EVC: variants seen among roughly 807,000 people sequenced by gnomAD.
EVC encodes the protein evC complex member EVC.
In EVC, 116 loss-of-function variants were observed where a neutral mutation model predicts 118.9. That is an observed-to-expected ratio of 0.98 (90% CI 0.84 to 1.14). The LOEUF (loss-of-function observed/expected upper bound fraction) is 1.14. EVC is among the 50% of genes most tolerant of loss of function. EVC has a pLI of 0.00. For missense variants in EVC, 1,401 were observed against 1,246.4 expected (o/e 1.12, Z -1.87); for synonymous variants, 619 against 534.7 (o/e 1.16, Z -2.18).
chr4:5,823,330 G>A, the EVC span, among the ~76,000 whole-genome samples: 15 of 152,246 alleles, frequency 9.9e-5, no homozygotes, highest in East Asian at 2.9e-3. Flanking sequence ...ATGTCTTCTT[G>A]CAATACAAGT....
chr4:5,725,188 A>G (rs1004578705), intron 2 of EVC, among the ~76,000 whole-genome samples: 19 of 152,180 alleles, frequency 1.2e-4, no homozygotes, highest in African/African-American at 2.9e-4. Flanking sequence ...GAACATACAC[A>G]TGCATGTATC....
chr4:5,803,679 A>T (rs1715383652), intron 16 of EVC, among the ~76,000 whole-genome samples: 1 of 152,118 alleles, frequency 6.6e-6, no homozygotes, highest in African/African-American at 2.4e-5. Context: ...TTCCTTATTT[A>T]GTAATCTGTT....
At chr4:5,730,878 T>C (rs1726695203) in intron 3 of EVC, among the ~76,000 whole-genome samples, 1 of 151,628 alleles carries the variant, frequency 6.6e-6, no homozygotes, top group South Asian at 2.1e-4. Flanking sequence ...CCTCTAGCCA[T>C]GCCAGGCCCC....
At chr4:5,797,651 G>A (rs1714232118) in intron 14 of EVC, among the ~76,000 whole-genome samples, 1 of 152,142 alleles carries the variant, frequency 6.6e-6, no homozygotes, top group Non-Finnish European at 1.5e-5. Context: ...TCCACTTACT[G>A]ACCTCCCATT....
intron 5 of EVC, among the ~76,000 whole-genome samples, chr4:5,741,326 A>G (rs7674034): frequency 0.41 from 61,921 of 152,068 alleles, 13,151 homozygotes; most frequent in African/African-American, 0.52. Context: ...ATAACTTTTC[A>G]TTTCCAGTTC....
rs55634350 is a variant in EVC at position 5,731,811 on chromosome 4, A to G, written c.617+154A>G. Among the ~76,000 whole-genome samples the G allele has an allele frequency of 0.065, 9,833 of 152,144 alleles. 349 individuals are homozygous for G. The highest frequency in any genetic ancestry group is 0.1 in the South Asian group (486 of 4,824). On this transcript the variant is annotated intron_variant, in intron 4 of 20. Coordinates refer to ENST00000264956, the MANE Select transcript of EVC (RefSeq NM_153717.3). The surrounding 1 kb of genome is among the most constrained non-coding windows in gnomAD (Gnocchi z 5.6). ...CCCAGCGTCACCATCGGAGCCCCAG[A>G]GGCCTTTGTCACTTCCTGTGCTGTA...
Position 5,783,604 on chromosome 4 carries a change from T to C in EVC, c.1616T>C (p.Phe539Ser), listed in dbSNP as rs1484590084. The change falls in exon 12 of 21, where the codon TTC becomes TCC. Residue 539 changes from phenylalanine to serine, a missense_variant. Coordinates refer to ENST00000264956, the MANE Select transcript of EVC (RefSeq NM_153717.3). ...TTCCAGAAGTTCGTGGATGCCCTGT[T>C]CCTTCAGACGCTCCCTGGCATGACT... ...DTFQKFVDAL[F>S]LQTLPGMTGL... 1.2e-6 allele frequency: 2 copies of C among 1,614,084 alleles called. No homozygotes were observed. The highest frequency in any genetic ancestry group is 1.7e-6 in the Non-Finnish European group (2 of 1,180,038).
At chr4:5,807,916 C>G (rs761682879) in intron 17 of EVC, among the ~76,000 whole-genome samples, 1 of 152,208 alleles carries the variant, frequency 6.6e-6, no homozygotes, top group African/African-American at 2.4e-5. Flanking sequence ...CCCAGCTTTT[C>G]TACTCTGTCC....
chr4:5,745,282 A>C lies in EVC; in HGVS notation c.880A>C (p.Ile294Leu). The C allele has an allele frequency of 1.9e-6, 3 of 1,614,078 alleles. No homozygotes were observed. The highest frequency in any genetic ancestry group is 2.5e-6 in the Non-Finnish European group (3 of 1,179,934). Residue 294 changes from isoleucine to leucine, a missense_variant, in exon 7 of 21, where the codon ATC becomes CTC. Ile to Leu is a conservative substitution (Grantham distance 5). Transcript: ENST00000264956. ...EMSGAGDSEY[I>L]TLADVEKKER... ...GTCGGGGGCTGGTGACTCTGAGTACATCACCCTGGCTGATGTGGAAAAGAA... is the reference window on the plus strand; with the variant it reads ...GTCGGGGGCTGGTGACTCTGAGTACCTCACCCTGGCTGATGTGGAAAAGAA...
chr4:5,793,722 G>A lies in EVC; in HGVS notation c.1886+5G>A, dbSNP rs794726665. ...ACTGGGCGGCCTCACTGAAGAGTGA[G>A]TACAGCTCCCTGAAGGCCCAGGGCT... On this transcript the variant is annotated splice_donor_5th_base_variant and intron_variant, in intron 13 of 20. Transcript: ENST00000264956. 5 of 1,547,298 alleles carry A rather than the reference G, an allele frequency of 3.2e-6. No individual in the cohort carries two copies. The South Asian group carries it at 4.8e-5, about 15-fold the overall frequency.
intron 8 of EVC, among the ~76,000 whole-genome samples, chr4:5,752,204 T>C (rs1348216046): frequency 6.6e-6 from 1 of 152,078 alleles, no homozygotes; most frequent in Non-Finnish European, 1.5e-5. Flanking sequence ...CTTTCCCCCT[T>C]ACTCTCATTC....
the EVC span, chr4:5,828,084 G>C: frequency 1.0e-6 from 1 of 985,324 alleles, no homozygotes; most frequent in East Asian, 1.1e-4. Context: ...CACAGGGCCA[G>C]ACCCGAGGGT....
chr4:5,821,343 C>G, the EVC span: 1 of 173,732 alleles, frequency 5.8e-6, no homozygotes, highest in Non-Finnish European at 1.2e-5. The surrounding 1 kb of genome is among the most constrained non-coding windows in gnomAD (Gnocchi z 4.4). Flanking sequence ...TGGCGATGTC[C>G]CCTCAGACGC....
intron 17 of EVC, among the ~76,000 whole-genome samples, chr4:5,806,320 G>A (rs1415039534): frequency 1.3e-5 from 2 of 151,754 alleles, no homozygotes; most frequent in Non-Finnish European, 2.9e-5. Context: ...GACCTCAGGT[G>A]ATTCACCCGC....
rs1431811025 is a variant in EVC, at chr4:5,756,493, C to T, written c.1563+131C>T. On this transcript the variant is annotated intron_variant, in intron 11 of 20. Transcript: ENST00000264956. This position sits in a 1 kb window ranked among gnomAD's most constrained non-coding sequence, Gnocchi z 4.2. ...CCCGCACTCATTGGCCGGTGATCCA[C>T]GCAGGCTGTGTCCCCTCCATGCGAT... is the stretch of plus-strand genomic sequence containing the variant. 2.1e-5 allele frequency: 16 copies of T among 757,932 alleles called. No homozygotes were observed. Among genetic ancestry groups the T allele is most frequent in the African/African-American group, 1.0e-4 (6 of 58,206 alleles). The allele number at this position is 757,932 out of a possible 1,614,324, so 47.0% of individuals were successfully genotyped here.
chr4:5,783,484 A>T, intron 11 of EVC, 68 bp from the exon 12 acceptor site: 4 of 1,479,126 alleles, frequency 2.7e-6, no homozygotes, highest in Non-Finnish European at 3.8e-6. Flanking sequence ...GGAGAGGCAG[A>T]GAGCAGCTCA....
intron 11 of EVC, among the ~76,000 whole-genome samples, chr4:5,773,860 C>G (rs116759481): frequency 6.6e-6 from 1 of 152,036 alleles, no homozygotes; most frequent in Non-Finnish European, 1.5e-5. Flanking sequence ...ACTCTGAAGT[C>G]ATTAAATGTG....
rs1714100410 is a variant in EVC at position 5,797,073 on chromosome 4, C to T, written c.1938C>T (p.Leu646=). 1 of 1,613,408 alleles carries T rather than the reference C, an allele frequency of 6.2e-7. No individual in the cohort carries two copies. The highest frequency in any genetic ancestry group is 1.7e-5 in the Admixed American group (1 of 60,018). The change falls in exon 14 of 21, where the codon CTC becomes CTT. Residue 646 remains leucine, a synonymous_variant. Coordinates refer to ENST00000264956, the MANE Select transcript of EVC (RefSeq NM_153717.3). ...ATGACCTGCTGTTGCGCTCAGCCCT[C>T]CGGAGGCTGGCACTCCGCGGCAACG... ...QGHDLLLRSA[L]RRLALRGNAL... is the part of the protein sequence containing the mutation.
At position 5,812,108 on chromosome 4, in the gene EVC, G is replaced by C. The variant is rs1397822380; in HGVS notation, c.*1071G>C. ...GCCCCTCACACCACAGCCAGGAGAG[G>C]CCTTTCCCACCTGGAGAGAAACTTC... On this transcript the variant is annotated 3_prime_UTR_variant, in exon 21 of 21. Transcript: ENST00000264956. 8 of 143,384 alleles carry C rather than the reference G, an allele frequency of 5.6e-5. 1 individual carries two copies. The highest frequency in any genetic ancestry group is 4.9e-4 in the South Asian group (3 of 6,170). 8.9% of individuals were successfully genotyped at this position (143,384 alleles called of 1,614,324 possible). A position where few individuals can be genotyped will look rare whatever the true frequency, so the allele number is the denominator to read the frequency against.
Sources: gnomAD v4.1 joint callset for allele counts (sites outside exome capture counted in the v4.1 genomes callset) on GRCh38, gnomAD v4.1.1 for gene constraint, Gnocchi (gnomAD v3.1) non-coding constraint, MANE v1.5 for transcripts, NCBI Gene and HGNC (gene_info 2026-07-23, HGNC 2026-07-21) for gene names.